PPARGC1A: variants seen among roughly 807,000 people sequenced by gnomAD.
PPARGC1A encodes the protein PPARG coactivator 1 alpha.
A neutral mutation model predicts 88.7 loss-of-function variants in PPARGC1A; 25 were observed. That is an observed-to-expected ratio of 0.28 (90% CI 0.21 to 0.39). The LOEUF (loss-of-function observed/expected upper bound fraction) is 0.39, where lower values mean the gene tolerates loss of function less well. Among genes scored for constraint, PPARGC1A ranks in the 10% least tolerant of loss-of-function variants. PPARGC1A has a pLI of 1.00. For synonymous variants in PPARGC1A, 363 were observed against 355.6 expected (o/e 1.02, Z -0.24); for missense variants, 880 against 968.7 (o/e 0.91, Z 1.22).
intron 10 of PPARGC1A, among the ~76,000 whole-genome samples, chr4:23,809,957 C>G (rs924250064): frequency 7.2e-5 from 11 of 152,126 alleles, no homozygotes; most frequent in African/African-American, 2.7e-4. Context: ...TATAATAGCA[C>G]TTATCACACT....
At chr4:23,998,497 A>G in the PPARGC1A span, among the ~76,000 whole-genome samples, 6 of 152,158 alleles carry the variant, frequency 3.9e-5, no homozygotes, top group Admixed American at 1.3e-4. Flanking sequence ...TAAAGTATCA[A>G]AGAGAGAGTA....
At chr4:24,262,569 G>A in the PPARGC1A span, among the ~76,000 whole-genome samples, 2 of 152,126 alleles carry the variant, frequency 1.3e-5, no homozygotes, top group South Asian at 2.1e-4. Context: ...ATTCCACCCA[G>A]TCCATTTATT....
chr4:24,309,486 T>C, the PPARGC1A span, among the ~76,000 whole-genome samples: 2 of 152,184 alleles, frequency 1.3e-5, no homozygotes, highest in Non-Finnish European at 2.9e-5. Context: ...CAAATGGCGA[T>C]GTGGACCATG....
chr4:24,298,950 TA>T, the PPARGC1A span, among the ~76,000 whole-genome samples: 1 of 152,164 alleles, frequency 6.6e-6, no homozygotes, highest in South Asian at 2.1e-4. Flanking sequence ...TGTTTAATGA[TA>T]AGAACCTAAA....
chr4:24,205,566 G>A, the PPARGC1A span, among the ~76,000 whole-genome samples: 1 of 152,166 alleles, frequency 6.6e-6, no homozygotes, highest in South Asian at 2.1e-4. Flanking sequence ...TGTGAAATTA[G>A]AAGAAGGTGA....
intron 2 of PPARGC1A, among the ~76,000 whole-genome samples, chr4:23,855,198 G>A (rs10002217): frequency 0.76 from 115,823 of 151,970 alleles, 44,495 homozygotes; most frequent in African/African-American, 0.85. Context: ...GCCATATGGA[G>A]CTGTGAGTCC....
chr4:24,312,382 A>AT, the PPARGC1A span, among the ~76,000 whole-genome samples: 2 of 85,886 alleles, frequency 2.3e-5, no homozygotes, highest in Admixed American at 1.3e-4. Flanking sequence ...ATTTAGGGAT[A>AT]TTTTTTCCTA....
At chr4:24,022,220 G>A in the PPARGC1A span, among the ~76,000 whole-genome samples, 1 of 152,124 alleles carries the variant, frequency 6.6e-6, no homozygotes, top group Non-Finnish European at 1.5e-5. Flanking sequence ...CACTCCCTGA[G>A]CATCTTCTCG....
At chr4:24,213,126 C>T in the PPARGC1A span, among the ~76,000 whole-genome samples, 2 of 151,882 alleles carry the variant, frequency 1.3e-5, no homozygotes, top group Non-Finnish European at 2.9e-5. Flanking sequence ...CTCCATCGCC[C>T]CCGAGTCTCA....
At chr4:24,017,969 A>G in the PPARGC1A span, among the ~76,000 whole-genome samples, 1 of 152,248 alleles carries the variant, frequency 6.6e-6, no homozygotes, top group African/African-American at 2.4e-5. Flanking sequence ...TTATACATGA[A>G]CACATATGCT....
chr4:24,052,142 T>A, the PPARGC1A span, among the ~76,000 whole-genome samples: 2 of 152,174 alleles, frequency 1.3e-5, no homozygotes, highest in African/African-American at 4.8e-5. Context: ...TGACCACTAC[T>A]GCTATTATTG....
At chr4:24,059,310 G>T in the PPARGC1A span, among the ~76,000 whole-genome samples, 10 of 152,294 alleles carry the variant, frequency 6.6e-5, no homozygotes, top group Admixed American at 4.6e-4. Flanking sequence ...CTCAGAATTT[G>T]TCCAACGTAT....
the PPARGC1A span, among the ~76,000 whole-genome samples, chr4:24,041,689 T>C: frequency 6.6e-6 from 1 of 152,140 alleles, no homozygotes; most frequent in Non-Finnish European, 1.5e-5. Context: ...AAAATGCACA[T>C]AGTCACAAAC....
At chr4:23,852,979 G>C (rs1428485593) in intron 2 of PPARGC1A, among the ~76,000 whole-genome samples, 1 of 152,148 alleles carries the variant, frequency 6.6e-6, no homozygotes, top group Non-Finnish European at 1.5e-5. Context: ...AGGATGGTCT[G>C]CATGAAATAA....
the PPARGC1A span, among the ~76,000 whole-genome samples, chr4:24,127,474 T>G: frequency 6.6e-6 from 1 of 152,084 alleles, no homozygotes; most frequent in African/African-American, 2.4e-5. Flanking sequence ...GGGTGGATCA[T>G]TTTTTGTTAT....
chr4:24,012,726 A>G, the PPARGC1A span, among the ~76,000 whole-genome samples: 1 of 152,158 alleles, frequency 6.6e-6, no homozygotes, highest in African/African-American at 2.4e-5. Flanking sequence ...GGGAAGAAAG[A>G]CTAATTACTA....
the PPARGC1A span, among the ~76,000 whole-genome samples, chr4:24,455,089 A>G: frequency 5.3e-5 from 8 of 152,214 alleles, no homozygotes; most frequent in African/African-American, 1.9e-4. Context: ...AAAAAAACAA[A>G]TAGGGCTGAT....
At chr4:23,807,735 TTG>T (rs578197512) in intron 10 of PPARGC1A, among the ~76,000 whole-genome samples, 145 of 149,950 alleles carry the variant, frequency 9.7e-4, no homozygotes, top group African/African-American at 2.7e-3. Context: ...TTTTTTTCTT[TTG>T]TGTGTGTGTG....
At chr4:23,822,696 A>G (rs968224205) in intron 7 of PPARGC1A, among the ~76,000 whole-genome samples, 14 of 152,056 alleles carry the variant, frequency 9.2e-5, no homozygotes. Context: ...TCAAGCCCAG[A>G]ATATCTCTAG....
Sources: allele counts gnomAD v4.1 joint callset (sites outside exome capture counted in the v4.1 genomes callset), GRCh38; gene constraint gnomAD v4.1.1; transcripts MANE v1.5; gene names NCBI Gene and HGNC (gene_info 2026-07-23, HGNC 2026-07-21).